The following CCDC73 variants were observed in gnomAD, a reference collection of about 807,000 sequenced individuals.
The protein encoded by CCDC73 is coiled-coil domain-containing protein 73.
In CCDC73, 95 loss-of-function variants were observed where a neutral mutation model predicts 116.5. That is an observed-to-expected ratio of 0.82 (90% CI 0.69 to 0.97). The LOEUF (loss-of-function observed/expected upper bound fraction) is 0.97, where lower values mean the gene tolerates loss of function less well. CCDC73 is among the 50% of genes least tolerant of loss of function. The probability of loss-of-function intolerance (pLI) is 0.00; values close to 1 mark genes in which losing one functional copy is unlikely to be tolerated. For synonymous variants in CCDC73, 398 were observed against 401.3 expected (o/e 0.99, Z 0.10); for missense variants, 1,066 against 1,206.8 (o/e 0.88, Z 1.73).
At chr11:32,733,109 T>G (rs925678395) in intron 2 of CCDC73, among the ~76,000 whole-genome samples, 6 of 150,640 alleles carry the variant, frequency 4.0e-5, no homozygotes, top group African/African-American at 4.8e-5. Flanking sequence ...AAAAAGTAGG[T>G]GTTGCAATCC....
intron 3 of CCDC73, among the ~76,000 whole-genome samples, 182 bp from the exon 4 acceptor site, chr11:32,703,126 G>C (rs769987573): frequency 1.3e-5 from 2 of 152,056 alleles, no homozygotes; most frequent in Non-Finnish European, 2.9e-5. Flanking sequence ...TCACTCTGTT[G>C]CCCAGGCTGG....
chr11:32,747,214 G>A (rs1163639848), intron 2 of CCDC73, among the ~76,000 whole-genome samples: 1 of 152,106 alleles, frequency 6.6e-6, no homozygotes, highest in East Asian at 1.9e-4. Flanking sequence ...GAGTTTGCTG[G>A]AGGTCCACTC....
At chr11:32,777,016 TA>T (rs1432149515) in intron 1 of CCDC73, among the ~76,000 whole-genome samples, 4 of 126,270 alleles carry the variant, frequency 3.2e-5, no homozygotes, top group Non-Finnish European at 6.8e-5. Flanking sequence ...TATATATATA[TA>T]TATATAATTG....
At chr11:32,647,119 A>G (rs956208060) in intron 12 of CCDC73, among the ~76,000 whole-genome samples, 1 of 152,188 alleles carries the variant, frequency 6.6e-6, no homozygotes, top group African/African-American at 2.4e-5. Context: ...TGTTAAAGAA[A>G]TACCTGAGAC....
At chr11:32,624,100 G>A (rs1332991382) in intron 14 of CCDC73, among the ~76,000 whole-genome samples, 1 of 151,826 alleles carries the variant, frequency 6.6e-6, no homozygotes, top group African/African-American at 2.4e-5. Context: ...ATTTTGGGAG[G>A]CTGTGGGCAG....
chr11:32,676,534 T>C (rs900215010), intron 7 of CCDC73, among the ~76,000 whole-genome samples: 9 of 152,304 alleles, frequency 5.9e-5, no homozygotes, highest in Non-Finnish European at 8.8e-5. Context: ...TCTCACTGCA[T>C]TAAGAAATGA....
intron 2 of CCDC73, among the ~76,000 whole-genome samples, chr11:32,738,868 GT>G (rs1156525871): frequency 6.6e-6 from 1 of 152,030 alleles, no homozygotes; most frequent in African/African-American, 2.4e-5. Context: ...TTTTGGTTTT[GT>G]TTTTGTATAC....
intron 13 of CCDC73, among the ~76,000 whole-genome samples, chr11:32,641,250 A>G (rs892582100): frequency 2.6e-5 from 4 of 152,072 alleles, no homozygotes; most frequent in Non-Finnish European, 5.9e-5. Context: ...GTGACTTTCT[A>G]CTCTGTCATT....
At chr11:32,659,469 T>C (rs1038782149) in intron 9 of CCDC73, among the ~76,000 whole-genome samples, 5 of 152,204 alleles carry the variant, frequency 3.3e-5, no homozygotes, top group Admixed American at 3.3e-4. Flanking sequence ...CCCAAAACTC[T>C]ATCCTTACAG....
chr11:32,759,139 T>C (rs1009151213), intron 2 of CCDC73, among the ~76,000 whole-genome samples: 18 of 152,118 alleles, frequency 1.2e-4, no homozygotes, highest in African/African-American at 3.9e-4. Context: ...GTCATATATA[T>C]GTCCTAGTGA....
chr11:32,777,630 A>C (rs527911846), intron 1 of CCDC73, among the ~76,000 whole-genome samples: 1 of 152,256 alleles, frequency 6.6e-6, no homozygotes, highest in South Asian at 2.1e-4. Flanking sequence ...ATCAGATTTC[A>C]CTTTCTATAC....
intron 2 of CCDC73, among the ~76,000 whole-genome samples, chr11:32,740,908 T>C (rs1309802254): frequency 6.6e-6 from 1 of 152,178 alleles, no homozygotes; most frequent in Non-Finnish European, 1.5e-5. Context: ...TTTTTCAATT[T>C]CCTTCTTGAT....
intron 9 of CCDC73, among the ~76,000 whole-genome samples, chr11:32,660,730 G>A (rs1190992346): frequency 2.0e-5 from 3 of 152,088 alleles, no homozygotes; most frequent in Non-Finnish European, 2.9e-5. Context: ...GCTGAGGTAG[G>A]AGGACTGCTT....
At chr11:32,817,540 GTC>G in the CCDC73 span, among the ~76,000 whole-genome samples, 1 of 152,190 alleles carries the variant, frequency 6.6e-6, no homozygotes. Flanking sequence ...GCCTTGAACA[GTC>G]TCTGTCTCCA....
Position 32,783,798 on chromosome 11 carries a change from A to G in CCDC73, c.-16+10815T>C, listed in dbSNP as rs532802523. On this transcript the variant is annotated intron_variant, in intron 1 of 17. Transcript: ENST00000335185. The stretch of plus-strand genomic sequence containing the variant: ...TGGGGGAGACACAAATATTTATTCT[A>G]TAGCAATCTTGCATAGGCAAGAAAG... Among the ~76,000 whole-genome samples the G allele has an allele frequency of 7.2e-5, 11 of 152,280 alleles. No homozygotes were observed. The South Asian group carries it at 2.3e-3, about 32-fold the overall frequency.
intron 17 of CCDC73, among the ~76,000 whole-genome samples, chr11:32,610,357 C>T (rs1855409645): frequency 1.3e-5 from 2 of 152,036 alleles, no homozygotes; most frequent in Non-Finnish European, 1.5e-5. Context: ...CTCAACTCTC[C>T]CAGAAGAGTT....
chr11:32,737,487 A>T (rs933303153), intron 2 of CCDC73, among the ~76,000 whole-genome samples: 3 of 152,046 alleles, frequency 2.0e-5, no homozygotes, highest in African/African-American at 7.2e-5. Context: ...GCATGGTGGC[A>T]CAAACCTGTT....
intron 12 of CCDC73, among the ~76,000 whole-genome samples, chr11:32,644,297 A>G (rs2133252641): frequency 6.6e-6 from 1 of 152,278 alleles, no homozygotes; most frequent in East Asian, 1.9e-4. Context: ...GCACATATAG[A>G]CACAAAGAAG....
At chr11:32,679,064 A>G (rs961917700) in intron 7 of CCDC73, among the ~76,000 whole-genome samples, 1 of 152,134 alleles carries the variant, frequency 6.6e-6, no homozygotes, top group Non-Finnish European at 1.5e-5. Flanking sequence ...TAATTATGAT[A>G]TATCAGTTGA....
Sources: gnomAD v4.1 joint callset for allele counts (sites outside exome capture counted in the v4.1 genomes callset) on GRCh38, gnomAD v4.1.1 for gene constraint, MANE v1.5 for transcripts, NCBI Gene and HGNC (gene_info 2026-07-23, HGNC 2026-07-21) for gene names.